NRIP1: variants seen among roughly 807,000 people sequenced by gnomAD.
NRIP1 encodes nuclear receptor interacting protein 1.
NRIP1 carries 28 observed loss-of-function variants against 75.0 expected under a neutral mutation model. The ratio of observed to expected loss-of-function variants is 0.37; its 90% CI spans 0.28 to 0.51. The LOEUF is 0.51. NRIP1 is among the 20% of genes least tolerant of loss of function. NRIP1 has a pLI of 0.92. For missense variants in NRIP1, 1,435 were observed against 1,343.7 expected (o/e 1.07, Z -1.06); for synonymous variants, 526 against 487.6 (o/e 1.08, Z -1.04).
intron 3 of NRIP1, among the ~76,000 whole-genome samples, chr21:14,973,349 T>TA (rs2086956648): frequency 6.6e-6 from 1 of 152,132 alleles, no homozygotes; most frequent in Non-Finnish European, 1.5e-5. Flanking sequence ...AGGAAAAACT[T>TA]AGTTTACAAA....
intron 1 of NRIP1, among the ~76,000 whole-genome samples, chr21:15,048,044 G>A (rs994386914): frequency 1.3e-4 from 20 of 152,138 alleles, no homozygotes; most frequent in African/African-American, 4.1e-4. Flanking sequence ...TGAGATGGGG[G>A]AACAGCCAGT....
chr21:14,967,967 A>AT lies in NRIP1; in HGVS notation c.225_226insA (p.Ser76IlefsTer16). On this transcript the variant is annotated frameshift_variant, in exon 4 of 4. Transcript: ENST00000318948. LOFTEE classifies it high-confidence loss of function. The stretch of plus-strand genomic sequence containing the variant: ...GCTTTTTTGAGGTGCAGCATGCCAG[A>AT]CCCCTGATATGTATGTGTATTGAGA... 1 of 1,614,022 alleles carries AT rather than the reference A, an allele frequency of 6.2e-7. No individual in the cohort carries two copies. Among genetic ancestry groups the AT allele is most frequent in the Non-Finnish European group, 8.5e-7 (1 of 1,179,990 alleles).
At chr21:15,032,291 C>T (rs951633078) in intron 2 of NRIP1, among the ~76,000 whole-genome samples, 9 of 152,190 alleles carry the variant, frequency 5.9e-5, no homozygotes, top group Admixed American at 5.2e-4. Flanking sequence ...TTATAAAAGT[C>T]TTAAAAACTT....
At position 15,031,067 on chromosome 21, in the gene NRIP1, A is replaced by G. The variant is rs561851726; in HGVS notation, c.-458+12428T>C. On this transcript the variant is annotated intron_variant, in intron 2 of 3. Transcript: ENST00000318948. ...TGGAGGTTCACTACATTCCCTTTCT[A>G]TGTGTGTACACTCTGGAAGGCGCTC... Among the ~76,000 whole-genome samples the G allele has an allele frequency of 6.3e-4, 27 of 42,564 alleles. 2 individuals are homozygous for G. The highest frequency in any genetic ancestry group is 2.4e-3 in the African/African-American group (24 of 9,988). The allele number at this position is 42,564 out of a possible 152,430, so 27.9% of individuals were successfully genotyped here.
rs1470264138 is a variant in NRIP1, at chr21:15,064,827, C to G, written c.-620G>C. ...CTGCCGCCCCGTCCTGGCCCGGCGC[C>G]CCGGCGAGCTCTTCCCTCCGACCAG... On this transcript the variant is annotated 5_prime_UTR_variant, in exon 1 of 4. Transcript: ENST00000318948. 2.0e-5 allele frequency: 3 copies of G among 148,346 alleles called. No individual in the cohort carries two copies. In the East Asian group the frequency reaches 5.9e-4, roughly 29 times the overall value. The allele number at this position is 148,346 out of a possible 1,614,324, so 9.2% of individuals were successfully genotyped here. A position where few individuals can be genotyped will look rare whatever the true frequency, so the allele number is the denominator to read the frequency against.
At chr21:14,969,934 C>T (rs930327946) in intron 3 of NRIP1, among the ~76,000 whole-genome samples, 2 of 152,154 alleles carry the variant, frequency 1.3e-5, no homozygotes, top group Admixed American at 6.5e-5. Flanking sequence ...TTTTAAGAAG[C>T]TTTGCCATAA....
intron 3 of NRIP1, among the ~76,000 whole-genome samples, chr21:15,010,241 G>T (rs1216194402): frequency 6.6e-6 from 1 of 152,168 alleles, no homozygotes; most frequent in African/African-American, 2.4e-5. Context: ...ATGTAGCAGA[G>T]AATCAAGGAG....
At chr21:15,052,805 T>C (rs989379193) in intron 1 of NRIP1, among the ~76,000 whole-genome samples, 2 of 152,168 alleles carry the variant, frequency 1.3e-5, no homozygotes, top group African/African-American at 2.4e-5. Flanking sequence ...TCATTAAAGA[T>C]AGTTTTACCA....
At chr21:15,063,153 G>GCAGTAGC (rs1978474696) in intron 1 of NRIP1, among the ~76,000 whole-genome samples, 1 of 152,150 alleles carries the variant, frequency 6.6e-6, no homozygotes, top group Non-Finnish European at 1.5e-5. Context: ...AACCTGCAGG[G>GCAGTAGC]CAGTAGCCGC....
In NRIP1 at chr21:14,998,444, G is replaced by T. The variant is rs2087781867; in HGVS notation, c.-335+15900C>A. ...CCTTGGTGGTCCCCACATGGCAAGA[G>T]ACTCAATTGGCTGCCTTCCTCTGCA... On this transcript the variant is annotated intron_variant, in intron 3 of 3. Coordinates refer to ENST00000318948, the MANE Select transcript of NRIP1 (RefSeq NM_003489.4). 2.0e-5 allele frequency among the ~76,000 whole-genome samples: 3 copies of T among 152,192 alleles called. No homozygotes were observed. In the South Asian group the frequency reaches 6.2e-4, roughly 31 times the overall value.
intron 3 of NRIP1, among the ~76,000 whole-genome samples, chr21:15,011,351 G>A (rs371563804): frequency 7.9e-5 from 12 of 152,132 alleles, no homozygotes; most frequent in South Asian, 4.1e-4. Context: ...CATGGCGCCC[G>A]GCTAATTTTT....
Position 14,966,692 on chromosome 21 carries a change from G to C in NRIP1, c.1501C>G (p.Leu501Val), listed in dbSNP as rs780967733. 3.1e-6 allele frequency: 5 copies of C among 1,614,096 alleles called. No homozygotes were observed. Among genetic ancestry groups the C allele is most frequent in the Non-Finnish European group, 4.2e-6 (5 of 1,179,996 alleles). Reference sequence around the variant, plus strand: ...TTCTTATGGCCAAGTAGCAATTGAAGAAGTGTTACTTTCTGGTGTGAGTTT... The same window carrying C: ...TTCTTATGGCCAAGTAGCAATTGAACAAGTGTTACTTTCTGGTGTGAGTTT... Reference protein sequence around the residue: ...KLNSHQKVTLLQLLLGHKNEE... With the variant: ...KLNSHQKVTLVQLLLGHKNEE... Residue 501 changes from leucine (L) to valine (V), a missense_variant, in exon 4 of 4, where the codon CTT becomes GTT. Coordinates refer to ENST00000318948, the MANE Select transcript of NRIP1 (RefSeq NM_003489.4).
At position 14,966,656 on chromosome 21, in the gene NRIP1, C is replaced by T; in HGVS notation, c.1537G>A (p.Val513Ile). The T allele has an allele frequency of 6.2e-7, 1 of 1,614,066 alleles. No individual in the cohort carries two copies. The highest frequency in any genetic ancestry group is 1.3e-5 in the African/African-American group (1 of 75,030). The change falls in exon 4 of 4, where the codon GTA (valine) becomes ATA (isoleucine). Residue 513 changes from valine (V) to isoleucine (I), a missense_variant. Coordinates refer to ENST00000318948, the MANE Select transcript of NRIP1 (RefSeq NM_003489.4). ...LLLGHKNEEN[V>I]EKNTSPQGVH... ...CCCTGAGGGCTGGTGTTTTTTTCTA[C>T]ATTTTCTTCATTCTTATGGCCAAGT... is the stretch of plus-strand genomic sequence containing the variant.
At chr21:15,060,737 C>T (rs940199524) in intron 1 of NRIP1, among the ~76,000 whole-genome samples, 6 of 152,114 alleles carry the variant, frequency 3.9e-5, no homozygotes, top group African/African-American at 1.2e-4. Flanking sequence ...CCTCAAACAA[C>T]CACTATTTAT....
chr21:14,964,869 T>A lies in NRIP1; in HGVS notation c.3324A>T (p.Leu1108Phe). Reference protein sequence around the residue: ...SVSQVTAKEELLPTAETKASF... With the variant: ...SVSQVTAKEEFLPTAETKASF... ...AAGCTTTCGTTTCTGCAGTAGGAAG[T>A]AACTCTTCTTTGGCTGTGACCTGTG... Residue 1108 changes from leucine to phenylalanine, a missense_variant, in exon 4 of 4, where the codon TTA becomes TTT. By Grantham distance (22) the Leu-to-Phe change is conservative. Coordinates refer to ENST00000318948, the MANE Select transcript of NRIP1 (RefSeq NM_003489.4). 6.2e-7 allele frequency: 1 copy of A among 1,613,452 alleles called. No individual in the cohort carries two copies. Among genetic ancestry groups the A allele is most frequent in the Non-Finnish European group, 8.5e-7 (1 of 1,179,716 alleles).
rs566337812 is a variant in NRIP1, at chr21:15,061,847, T to C, written c.-538+2898A>G. On this transcript the variant is annotated intron_variant, in intron 1 of 3. Coordinates refer to ENST00000318948, the MANE Select transcript of NRIP1 (RefSeq NM_003489.4). ...ATTGTCTTCTAGCATTGGTCTGCAA[T>C]AGAATCTGTGCAATTAACAATAATC... Among the ~76,000 whole-genome samples the C allele has an allele frequency of 3.9e-5, 6 of 152,330 alleles. No individual in the cohort carries two copies. The South Asian group carries it at 1.0e-3, about 26-fold the overall frequency.
intron 3 of NRIP1, among the ~76,000 whole-genome samples, chr21:14,996,441 C>T (rs1368045532): frequency 6.6e-6 from 1 of 152,148 alleles, no homozygotes; most frequent in Non-Finnish European, 1.5e-5. Flanking sequence ...TTATGGCTGC[C>T]TCCTTTGCCT....
intron 2 of NRIP1, among the ~76,000 whole-genome samples, chr21:15,040,800 T>C (rs945036711): frequency 6.6e-6 from 1 of 152,068 alleles, no homozygotes; most frequent in African/African-American, 2.4e-5. Context: ...TTTTAATAGA[T>C]GGGAAAATTT....
chr21:15,003,280 A>C (rs919070032), intron 3 of NRIP1, among the ~76,000 whole-genome samples: 2 of 152,164 alleles, frequency 1.3e-5, no homozygotes, highest in Admixed American at 6.5e-5. Context: ...ACTCAAAATA[A>C]CTGAAGAAAC....
Sources: allele counts gnomAD v4.1 joint callset (sites outside exome capture counted in the v4.1 genomes callset), GRCh38; gene constraint gnomAD v4.1.1; transcripts MANE v1.5; gene names NCBI Gene and HGNC (gene_info 2026-07-23, HGNC 2026-07-21).